Variants in CFAP54 observed in about 807,000 individuals in gnomAD.
CFAP54 encodes cilia- and flagella-associated protein 54.
A neutral mutation model predicts 370.4 loss-of-function variants in CFAP54; 290 were observed. That is an observed-to-expected ratio of 0.78 (90% CI 0.71 to 0.86). The LOEUF (loss-of-function observed/expected upper bound fraction) is 0.86. Ranked by LOEUF, CFAP54 falls within the 40% of genes least tolerant of loss-of-function variation. CFAP54 has a pLI of 0.00. For missense variants in CFAP54, 3,399 were observed against 3,528.7 expected (o/e 0.96, Z 0.93); for synonymous variants, 1,206 against 1,236.5 (o/e 0.98, Z 0.52).
chr12:96,499,021 C>T (rs1321834083), intron 1 of CFAP54, among the ~76,000 whole-genome samples: 1 of 151,916 alleles, frequency 6.6e-6, no homozygotes, highest in Non-Finnish European at 1.5e-5. Flanking sequence ...CTCTTTTGCC[C>T]AGGCTGGAGT....
chr12:96,824,882 C>T (rs1313566575), intron 65 of CFAP54, among the ~76,000 whole-genome samples: 2 of 152,050 alleles, frequency 1.3e-5, no homozygotes, highest in Admixed American at 1.3e-4. Flanking sequence ...ATCCAAATTC[C>T]TTACTTTTAC....
intron 22 of CFAP54, among the ~76,000 whole-genome samples, chr12:96,581,621 A>G (rs1455296550): frequency 6.6e-6 from 1 of 152,080 alleles, no homozygotes; most frequent in Non-Finnish European, 1.5e-5. Flanking sequence ...ACCCTAATCC[A>G]GAGATATCCT....
At chr12:96,582,314 AAG>A (rs140745678) in intron 22 of CFAP54, among the ~76,000 whole-genome samples, 1 of 152,148 alleles carries the variant, frequency 6.6e-6, no homozygotes. Flanking sequence ...GGATGCTAGG[AAG>A]AGTGACTCAT....
intron 36 of CFAP54, among the ~76,000 whole-genome samples, chr12:96,653,746 TAAA>T (rs1283787952): frequency 6.6e-6 from 1 of 150,614 alleles, no homozygotes; most frequent in Non-Finnish European, 1.5e-5. Flanking sequence ...AAGGAAATAA[TAAA>T]AAGAAATAAA....
intron 49 of CFAP54, among the ~76,000 whole-genome samples, chr12:96,719,945 C>A (rs549209874): frequency 5.9e-5 from 9 of 152,226 alleles, no homozygotes; most frequent in Non-Finnish European, 1.2e-4. Context: ...TCAAGGTTAG[C>A]AAATTAACAG....
At chr12:96,525,583 A>G (rs768859236) in intron 8 of CFAP54, among the ~76,000 whole-genome samples, 2 of 152,178 alleles carry the variant, frequency 1.3e-5, no homozygotes, top group Non-Finnish European at 2.9e-5. Context: ...AAAGTTAATT[A>G]TGCTGTTTCA....
chr12:96,521,503 CG>C (rs1275952081), intron 6 of CFAP54, among the ~76,000 whole-genome samples: 3 of 129,580 alleles, frequency 2.3e-5, no homozygotes, highest in Non-Finnish European at 3.3e-5. Flanking sequence ...CAACTGAGGA[CG>C]TGTGTGTGTG....
At chr12:96,833,266 C>T (rs757229575) in intron 66 of CFAP54, among the ~76,000 whole-genome samples, 13 of 152,246 alleles carry the variant, frequency 8.5e-5, no homozygotes, top group Middle Eastern at 3.4e-3. Flanking sequence ...AGGATTCAAA[C>T]ATGATGCTAA....
At chr12:96,561,773 C>CTT (rs376442763) in intron 17 of CFAP54, among the ~76,000 whole-genome samples, 2,571 of 94,850 alleles carry the variant, frequency 0.027, 390 homozygotes, top group African/African-American at 0.048. Flanking sequence ...ATCACAAGTT[C>CTT]TTTTTTTTTT....
intron 26 of CFAP54, among the ~76,000 whole-genome samples, chr12:96,607,233 C>G (rs1239703783): frequency 6.6e-6 from 1 of 151,952 alleles, no homozygotes; most frequent in African/African-American, 2.4e-5. Flanking sequence ...CAATTACTCG[C>G]TGAAGGAGAC....
chr12:96,544,410 A>ATCTCTCTCTCTCTCTCTCTC (rs71068815), intron 14 of CFAP54, among the ~76,000 whole-genome samples: 20 of 148,120 alleles, frequency 1.4e-4, no homozygotes, highest in African/African-American at 4.7e-4. Flanking sequence ...AAAACAGAAT[A>ATCTCTCTCTCTCTCTCTCTC]TCTCTCTCTC....
rs1955061630 is a variant in CFAP54 at position 96,504,002 on chromosome 12, C to T, written c.540C>T (p.Gly180=). The T allele has an allele frequency of 2.6e-6, 4 of 1,520,166 alleles. No homozygotes were observed. In the East Asian group the frequency reaches 9.9e-5, roughly 38 times the overall value. The allele number at this position is 1,520,166 out of a possible 1,614,324, so 94.2% of individuals were successfully genotyped here. ...TCAAAGCTACCTTTTTCCCAAAAGG[C>T]TTTAAAGATAAAACTGCTGGACTTA... is the stretch of plus-strand genomic sequence containing the variant. The part of the protein sequence containing the change: ...TQFKATFFPK[G]FKDKTAGLTF... The change falls in exon 3 of 68, where the codon GGC becomes GGT. Residue 180 remains glycine, a synonymous_variant. Transcript: ENST00000524981.
intron 22 of CFAP54, among the ~76,000 whole-genome samples, chr12:96,586,417 A>C (rs1956076491): frequency 6.6e-6 from 1 of 152,168 alleles, no homozygotes; most frequent in African/African-American, 2.4e-5. Flanking sequence ...AACCAAGTGG[A>C]GTATGTAAAA....
chr12:96,732,034 C>T (rs1227441296), intron 50 of CFAP54, among the ~76,000 whole-genome samples: 4 of 152,050 alleles, frequency 2.6e-5, no homozygotes, highest in African/African-American at 9.7e-5. Context: ...TACACTTCAA[C>T]CAAAACAATA....
chr12:96,536,960 T>TCTTA (rs2136383834), intron 12 of CFAP54, among the ~76,000 whole-genome samples: 1 of 143,236 alleles, frequency 7.0e-6, no homozygotes, highest in Non-Finnish European at 1.5e-5. Flanking sequence ...ATGATATATG[T>TCTTA]CTTAGTTCAA....
In CFAP54 at chr12:96,604,935, G is replaced by C. The variant is rs367810655; in HGVS notation, c.3639+6168G>C. 4.2e-4 allele frequency among the ~76,000 whole-genome samples: 64 copies of C among 152,298 alleles called. 1 individual carries two copies. Among genetic ancestry groups the C allele is most frequent in the African/African-American group, 1.5e-3 (62 of 41,568 alleles). ...ATCCCCCAAACCCTTGTGCTTTCTG[G>C]GTGAGGTGACGCCCTGCCCTGCTTT... is the stretch of plus-strand genomic sequence containing the variant. On this transcript the variant is annotated intron_variant, in intron 26 of 67. Coordinates refer to ENST00000524981, the MANE Select transcript of CFAP54 (RefSeq NM_001306084.2).
chr12:96,495,158 C>A (rs1041654163), intron 1 of CFAP54, among the ~76,000 whole-genome samples: 2 of 151,976 alleles, frequency 1.3e-5, no homozygotes, highest in African/African-American at 4.8e-5. Context: ...GAGTATGATA[C>A]GTTTTTAAAA....
chr12:96,647,746 C>T (rs988583155), intron 33 of CFAP54, 129 bp from the exon 34 acceptor site: 1 of 794,250 alleles, frequency 1.3e-6, no homozygotes, highest in Non-Finnish European at 1.9e-6. Context: ...GATTAAGTGA[C>T]AAAACCCTTC....
At chr12:96,575,105 T>C (rs144896854) in intron 19 of CFAP54, among the ~76,000 whole-genome samples, 284 of 152,272 alleles carry the variant, frequency 1.9e-3, no homozygotes, top group African/African-American at 6.4e-3. Context: ...TTTTGTATTT[T>C]CATCCCTAAT....
Sources: gnomAD v4.1 joint callset for allele counts (sites outside exome capture counted in the v4.1 genomes callset) on GRCh38, gnomAD v4.1.1 for gene constraint, MANE v1.5 for transcripts, NCBI Gene and HGNC (gene_info 2026-07-23, HGNC 2026-07-21) for gene names.